ATP8B4: variants seen among roughly 807,000 people sequenced by gnomAD.
The protein encoded by ATP8B4 is probable phospholipid-transporting ATPase IM.
Under a neutral mutation model 145.6 loss-of-function variants are expected in ATP8B4, and 133 were observed. The observed-to-expected ratio is 0.91, with a 90% CI of 0.79 to 1.05. The LOEUF (loss-of-function observed/expected upper bound fraction) is 1.05. Ranked by LOEUF, ATP8B4 falls within the 50% of genes least tolerant of loss-of-function variation. The pLI, the probability that ATP8B4 is intolerant of heterozygous loss-of-function variation, is 0.00. For synonymous variants in ATP8B4, 507 were observed against 492.9 expected, an observed-to-expected ratio of 1.03 and a Z score of -0.38; for missense variants, 1,458 against 1,425.2, an observed-to-expected ratio of 1.02 and a Z score of -0.37.
intron 6 of ATP8B4, among the ~76,000 whole-genome samples, chr15:50,015,163 G>C (rs1343459156): frequency 6.6e-6 from 1 of 152,154 alleles, no homozygotes; most frequent in Non-Finnish European, 1.5e-5. Context: ...GTAAGTGCAT[G>C]TAGGATATAT....
chr15:50,145,038 A>G (rs1222859127), intron 1 of ATP8B4, among the ~76,000 whole-genome samples: 1 of 152,212 alleles, frequency 6.6e-6, no homozygotes, highest in Non-Finnish European at 1.5e-5. Flanking sequence ...TGCAAGATCT[A>G]TTGAGTTAAC....
chr15:50,134,406 T>C (rs1226338926), intron 1 of ATP8B4, among the ~76,000 whole-genome samples: 1 of 152,134 alleles, frequency 6.6e-6, no homozygotes, highest in African/African-American at 2.4e-5. Context: ...AAGAGAAAGC[T>C]CTTGAGCTAG....
At chr15:49,992,526 G>A (rs1202649633) in intron 9 of ATP8B4, among the ~76,000 whole-genome samples, 4 of 152,154 alleles carry the variant, frequency 2.6e-5, no homozygotes, top group Admixed American at 6.5e-5. Flanking sequence ...AGGAGGCAGA[G>A]AGACTTACCA....
At chr15:49,970,037 T>C (rs2044949619) in intron 13 of ATP8B4, among the ~76,000 whole-genome samples, 1 of 152,244 alleles carries the variant, frequency 6.6e-6, no homozygotes, top group South Asian at 2.1e-4. Context: ...ATTATCTCAA[T>C]AGATGCAGAA....
intron 1 of ATP8B4, among the ~76,000 whole-genome samples, chr15:50,137,695 C>A (rs1329909601): frequency 2.0e-5 from 3 of 152,208 alleles, no homozygotes; most frequent in African/African-American, 7.2e-5. Context: ...TTTCTGCCTC[C>A]TTAATCATGC....
intron 26 of ATP8B4, 29 bp downstream of exon 26, chr15:49,866,317 G>T: frequency 6.2e-7 from 1 of 1,608,262 alleles, no homozygotes; most frequent in Non-Finnish European, 8.5e-7. Context: ...GCAGACACTA[G>T]GTTCCACTAG....
intron 25 of ATP8B4, among the ~76,000 whole-genome samples, chr15:49,873,380 C>A (rs1346439008): frequency 6.6e-6 from 1 of 152,010 alleles, no homozygotes; most frequent in Non-Finnish European, 1.5e-5. Flanking sequence ...GAAATGTAGA[C>A]GCAATCTAAC....
At chr15:50,161,035 T>G (rs924045063) in intron 1 of ATP8B4, among the ~76,000 whole-genome samples, 4 of 152,138 alleles carry the variant, frequency 2.6e-5, no homozygotes, top group African/African-American at 9.7e-5. Flanking sequence ...ACATTCACTT[T>G]ATGTATCTGG....
intron 2 of ATP8B4, among the ~76,000 whole-genome samples, chr15:50,083,347 T>A (rs1348110387): frequency 2.3e-5 from 2 of 87,774 alleles, no homozygotes; most frequent in Non-Finnish European, 4.1e-5. Flanking sequence ...AATTAGATTA[T>A]CTATAGCAAA....
chr15:50,045,958 A>T (rs1205753472), intron 4 of ATP8B4, among the ~76,000 whole-genome samples: 2 of 152,232 alleles, frequency 1.3e-5, no homozygotes, highest in Non-Finnish European at 2.9e-5. Context: ...TTTCTTCAAC[A>T]AATAGTAAGA....
At chr15:49,951,276 T>C (rs1487277654) in intron 14 of ATP8B4, among the ~76,000 whole-genome samples, 1 of 152,224 alleles carries the variant, frequency 6.6e-6, no homozygotes, top group Non-Finnish European at 1.5e-5. Flanking sequence ...CTCATTGATG[T>C]GTCTAATACT....
chr15:50,128,673 G>A (rs921256571), intron 1 of ATP8B4, among the ~76,000 whole-genome samples: 1 of 152,194 alleles, frequency 6.6e-6, no homozygotes, highest in African/African-American at 2.4e-5. Flanking sequence ...ACTGTGGTTG[G>A]TAAATTGATC....
chr15:49,879,484 T>C, intron 23 of ATP8B4, 25 bp from the exon 24 acceptor site: 1 of 1,550,180 alleles, frequency 6.5e-7, no homozygotes, highest in Non-Finnish European at 8.8e-7. Flanking sequence ...AACATATAAG[T>C]GAGAAACATC....
intron 23 of ATP8B4, among the ~76,000 whole-genome samples, chr15:49,888,665 A>G (rs775046792): frequency 6.6e-6 from 1 of 152,192 alleles, no homozygotes; most frequent in African/African-American, 2.4e-5. Context: ...TAAATTGTGA[A>G]TCCAAACCCA....
At chr15:49,914,896 T>A (rs2039581021) in intron 20 of ATP8B4, among the ~76,000 whole-genome samples, 1 of 152,156 alleles carries the variant, frequency 6.6e-6, no homozygotes, top group Non-Finnish European at 1.5e-5. Flanking sequence ...GAAAACACTA[T>A]GGAGATTTCT....
At chr15:49,908,171 CA>C in intron 20 of ATP8B4, 1 of 450,020 alleles carries the variant, frequency 2.2e-6, no homozygotes, top group Non-Finnish European at 4.5e-6. Flanking sequence ...GGCACTGTCT[CA>C]AAACATTTAG....
intron 3 of ATP8B4, among the ~76,000 whole-genome samples, chr15:50,054,481 C>A (rs1462875526): frequency 6.6e-6 from 1 of 152,076 alleles, no homozygotes; most frequent in African/African-American, 2.4e-5. Context: ...TATCTACTAG[C>A]AAATATATCA....
At chr15:49,939,115 A>C (rs1357207273) in intron 14 of ATP8B4, among the ~76,000 whole-genome samples, 1 of 152,118 alleles carries the variant, frequency 6.6e-6, no homozygotes, top group Non-Finnish European at 1.5e-5. Flanking sequence ...AATAAGGGGA[A>C]AGTTTATAAT....
chr15:50,049,122 C>T (rs888532707), intron 3 of ATP8B4, among the ~76,000 whole-genome samples: 1 of 152,160 alleles, frequency 6.6e-6, no homozygotes, highest in African/African-American at 2.4e-5. Flanking sequence ...GGGGTGTACC[C>T]ATTTTTCCTA....
Sources: allele counts gnomAD v4.1 joint callset (sites outside exome capture counted in the v4.1 genomes callset), GRCh38; gene constraint gnomAD v4.1.1; transcripts MANE v1.5; gene names NCBI Gene and HGNC (gene_info 2026-07-23, HGNC 2026-07-21).